Variants in C12orf56 observed in about 807,000 individuals in gnomAD.
The protein encoded by C12orf56 is chromosome 12 open reading frame 56.
C12orf56 carries 71 observed loss-of-function variants against 69.9 expected under a neutral mutation model. The observed-to-expected ratio is 1.02, with a 90% confidence interval of 0.84 to 1.24. The LOEUF is 1.24. Ranked by LOEUF, C12orf56 falls within the 50% of genes most tolerant of loss-of-function variation. The pLI, the probability that C12orf56 is intolerant of heterozygous loss-of-function variation, is 0.00. For synonymous variants in C12orf56, 276 were observed against 274.1 expected (o/e 1.01, Z -0.07); for missense variants, 732 against 738.5 (o/e 0.99, Z 0.10).
At chr12:64,386,349 G>A (rs2039788662) in intron 1 of C12orf56, among the ~76,000 whole-genome samples, 1 of 139,564 alleles carries the variant, frequency 7.2e-6, no homozygotes, top group Admixed American at 7.3e-5. Flanking sequence ...GAGTAGCTGG[G>A]CTTACAGGTG....
At chr12:64,368,100 G>A (rs1426952438) in intron 1 of C12orf56, among the ~76,000 whole-genome samples, 4 of 152,030 alleles carry the variant, frequency 2.6e-5, no homozygotes, top group East Asian at 1.9e-4. Flanking sequence ...GAGCCACTGC[G>A]CCTGGCCTTG....
chr12:64,284,459 TTAA>T (rs2038173363), intron 8 of C12orf56, among the ~76,000 whole-genome samples: 1 of 152,196 alleles, frequency 6.6e-6, no homozygotes, highest in Non-Finnish European at 1.5e-5. Flanking sequence ...CTTTGTACCC[TTAA>T]TAATCCAGAG....
chr12:64,304,822 T>TG (rs372315309), intron 5 of C12orf56, among the ~76,000 whole-genome samples: 85 of 152,202 alleles, frequency 5.6e-4, no homozygotes, highest in African/African-American at 1.9e-3. Flanking sequence ...CAGGAAGTTG[T>TG]GGGGGGGTTT....
chr12:64,286,774 C>T (rs2038207606), intron 6 of C12orf56, among the ~76,000 whole-genome samples: 2 of 152,110 alleles, frequency 1.3e-5, no homozygotes, highest in African/African-American at 4.8e-5. Context: ...TTTTGGTTTA[C>T]TAGTGACAAT....
chr12:64,276,334 T>C (rs1421543537), intron 9 of C12orf56, among the ~76,000 whole-genome samples: 2 of 152,118 alleles, frequency 1.3e-5, no homozygotes, highest in African/African-American at 4.8e-5. Flanking sequence ...ACAAGGGCTA[T>C]GAAAGAAATG....
In C12orf56 at chr12:64,390,730, G is replaced by A; in HGVS notation, c.-165C>T. 9.7e-7 allele frequency: 1 copy of A among 1,035,484 alleles called. No homozygotes were observed. Among genetic ancestry groups the A allele is most frequent in the Non-Finnish European group, 1.3e-6 (1 of 769,892 alleles). 64.1% of individuals were successfully genotyped at this position (1,035,484 alleles called of 1,614,324 possible). On this transcript the variant is annotated 5_prime_UTR_variant, in exon 1 of 13. Transcript: ENST00000543942. ...CAACTGCAGGAATCGACGCTAGGTC[G>A]GCTTCCCTGGAGCGCCCTCCCCAGC...
Position 64,274,935 on chromosome 12 carries a change from C to G in C12orf56, c.1550G>C (p.Trp517Ser). The G allele has an allele frequency of 6.2e-7, 1 of 1,612,646 alleles. No individual in the cohort carries two copies. Among genetic ancestry groups the G allele is most frequent in the Non-Finnish European group, 8.5e-7 (1 of 1,178,944 alleles). The change falls in exon 11 of 13, where the codon TGG becomes TCG. Residue 517 changes from tryptophan (W) to serine (S), a missense_variant. Trp to Ser is a radical substitution (Grantham distance 177, BLOSUM62 -3). Transcript: ENST00000543942. ...GLGSTKFAISWIMSFLQSCPP... is the reference protein window; with the variant it reads ...GLGSTKFAISSIMSFLQSCPP... Reference sequence around the variant, plus strand: ...ACAGCTTTGTAGAAAGGACATTATCCAGCTAATAGCAAACTTTGTGGATCC... The same window carrying G: ...ACAGCTTTGTAGAAAGGACATTATCGAGCTAATAGCAAACTTTGTGGATCC...
intron 1 of C12orf56, among the ~76,000 whole-genome samples, chr12:64,377,231 C>T (rs1171483951): frequency 2.1e-5 from 3 of 143,994 alleles, no homozygotes; most frequent in Admixed American, 7.1e-5. Flanking sequence ...CGCTATGTTG[C>T]CCAGGCTGGA....
At chr12:64,338,382 C>T in intron 2 of C12orf56, 1 of 685,696 alleles carries the variant, frequency 1.5e-6, no homozygotes, top group South Asian at 1.4e-5. Flanking sequence ...ACCTCCTGGT[C>T]AATTTGGACA....
At chr12:64,386,374 T>C (rs1390082993) in intron 1 of C12orf56, among the ~76,000 whole-genome samples, 1 of 138,270 alleles carries the variant, frequency 7.2e-6, no homozygotes, top group Non-Finnish European at 1.5e-5. Flanking sequence ...CTACCACTGC[T>C]GGCTAATTTT....
At chr12:64,363,742 T>A (rs944636485) in intron 1 of C12orf56, among the ~76,000 whole-genome samples, 3 of 152,210 alleles carry the variant, frequency 2.0e-5, no homozygotes, top group African/African-American at 7.2e-5. Flanking sequence ...ATTGGAACAC[T>A]GATGACAGAT....
intron 5 of C12orf56, among the ~76,000 whole-genome samples, chr12:64,312,424 T>C (rs1310567517): frequency 2.0e-5 from 3 of 152,060 alleles, no homozygotes; most frequent in Non-Finnish European, 4.4e-5. Flanking sequence ...CTGGCCAACA[T>C]GGCGAAACTC....
chr12:64,286,462 T>C (rs1279614812), intron 6 of C12orf56, among the ~76,000 whole-genome samples: 1 of 152,248 alleles, frequency 6.6e-6, no homozygotes, highest in Non-Finnish European at 1.5e-5. Context: ...AAGCAAGTTC[T>C]CGTTTTAAAA....
At chr12:64,315,753 G>A (rs931048254) in intron 4 of C12orf56, among the ~76,000 whole-genome samples, 2 of 152,174 alleles carry the variant, frequency 1.3e-5, no homozygotes, top group Non-Finnish European at 2.9e-5. Context: ...CCAACATGGC[G>A]AAACCCTGTC....
intron 2 of C12orf56, among the ~76,000 whole-genome samples, chr12:64,346,770 T>C (rs1013315148): frequency 1.3e-5 from 2 of 152,092 alleles, no homozygotes; most frequent in African/African-American, 2.4e-5. Context: ...ATTTGTTCTA[T>C]TGTTGAAAGG....
chr12:64,361,237 AC>A (rs1395260451), intron 1 of C12orf56, among the ~76,000 whole-genome samples: 2 of 152,170 alleles, frequency 1.3e-5, no homozygotes, highest in Non-Finnish European at 2.9e-5. Context: ...AAATAAAAAA[AC>A]AATTATTATT....
chr12:64,390,192 AGAG>A (rs2135995483), intron 1 of C12orf56, 119 bp downstream of exon 1: 1 of 1,274,360 alleles, frequency 7.8e-7, no homozygotes, highest in African/African-American at 1.5e-5. Flanking sequence ...TTCTCAAATA[AGAG>A]GAGGGGAGTC....
chr12:64,350,193 G>GTA (rs1470226305), intron 2 of C12orf56, among the ~76,000 whole-genome samples: 4 of 151,844 alleles, frequency 2.6e-5, no homozygotes, highest in Non-Finnish European at 4.4e-5. Context: ...TGGATGCAGT[G>GTA]TATACTGCTT....
intron 5 of C12orf56, among the ~76,000 whole-genome samples, chr12:64,308,924 GAAAGAAAGAAAGAAAGAAGAAAGA>G (rs1245348703): frequency 2.2e-5 from 1 of 45,924 alleles, no homozygotes; most frequent in African/African-American, 8.4e-5. Flanking sequence ...AAGAAAGAAA[GAAAGAAAGAAAGAAAGAAGAAAGA>G]AAGAAAGAAA....
Sources: gnomAD v4.1 joint callset for allele counts (sites outside exome capture counted in the v4.1 genomes callset) on GRCh38, gnomAD v4.1.1 for gene constraint, MANE v1.5 for transcripts, NCBI Gene and HGNC (gene_info 2026-07-23, HGNC 2026-07-21) for gene names.